The following CSMD1 variants were observed in gnomAD, a reference collection of about 807,000 sequenced individuals.
CSMD1 encodes the protein CUB and Sushi multiple domains 1.
CSMD1 carries 213 observed loss-of-function variants against 417.5 expected under a neutral mutation model. That is an observed-to-expected ratio of 0.51 (90% CI 0.46 to 0.57). The LOEUF is 0.57. CSMD1 is among the 20% of genes least tolerant of loss of function. CSMD1 has a pLI of 0.00. For synonymous variants in CSMD1, 2,862 were observed against 1,736.8 expected (o/e 1.65, Z -16.11); for missense variants, 6,923 against 4,529.7 (o/e 1.53, Z -15.17).
intron 37 of CSMD1, among the ~76,000 whole-genome samples, chr8:3,167,775 G>C (rs978812179): frequency 1.3e-5 from 2 of 152,152 alleles, no homozygotes; most frequent in African/African-American, 2.4e-5. Context: ...CATAAAACGT[G>C]AGCATTAAGA....
intron 12 of CSMD1, among the ~76,000 whole-genome samples, chr8:3,448,511 G>C (rs1815479375): frequency 6.7e-6 from 1 of 149,152 alleles, no homozygotes; most frequent in Non-Finnish European, 1.5e-5. Context: ...CTGAAAACTT[G>C]GAGAGAGGCT....
At chr8:4,592,683 G>T (rs140744062) in intron 2 of CSMD1, among the ~76,000 whole-genome samples, 2 of 152,016 alleles carry the variant, frequency 1.3e-5, no homozygotes, top group African/African-American at 4.8e-5. Context: ...CACTGTACCC[G>T]GCCTCTTTTC....
At chr8:3,413,121 G>A (rs1019779713) in intron 12 of CSMD1, among the ~76,000 whole-genome samples, 1 of 152,092 alleles carries the variant, frequency 6.6e-6, no homozygotes, top group African/African-American at 2.4e-5. Flanking sequence ...TAAAGAATAA[G>A]ATTCATGGAA....
intron 3 of CSMD1, among the ~76,000 whole-genome samples, chr8:4,201,826 C>G (rs1799663664): frequency 2.0e-5 from 3 of 148,540 alleles, no homozygotes; most frequent in African/African-American, 7.7e-5. Context: ...CTTCAGTGCT[C>G]CTTATAGAAG....
chr8:4,416,555 A>G (rs1224109283), intron 3 of CSMD1, among the ~76,000 whole-genome samples: 1 of 152,118 alleles, frequency 6.6e-6, no homozygotes, highest in Non-Finnish European at 1.5e-5. Context: ...CGCATTTCCA[A>G]CATTTAGCTT....
In CSMD1 at chr8:3,214,684, T is replaced by A; in HGVS notation, c.4680A>T (p.Pro1560=). ...SGFAIEFKEK[P]REACFDPGNI... ...TTCCTGGGTCAAAACAAGCTTCCCG[T>A]GGTTTCTCTGTGGAAGAAATGAATG... is the stretch of plus-strand genomic sequence containing the variant. Residue 1560 remains proline (P), a synonymous_variant, in exon 30 of 70, where the codon CCA becomes CCT. Transcript: ENST00000635120. 3 of 1,550,026 alleles carry A rather than the reference T, an allele frequency of 1.9e-6. No individual in the cohort carries two copies. Among genetic ancestry groups the A allele is most frequent in the South Asian group, 2.4e-5 (2 of 83,720 alleles).
chr8:3,435,581 C>T (rs938542205), intron 12 of CSMD1, among the ~76,000 whole-genome samples: 4 of 152,118 alleles, frequency 2.6e-5, no homozygotes, highest in African/African-American at 7.2e-5. Flanking sequence ...CTCGTCATGT[C>T]TGTCTTCTAA....
intron 2 of CSMD1, among the ~76,000 whole-genome samples, chr8:4,521,701 G>T (rs915735220): frequency 6.6e-6 from 1 of 152,128 alleles, no homozygotes; most frequent in Non-Finnish European, 1.5e-5. Flanking sequence ...GCCCTCCTCT[G>T]GTATAAGCCA....
chr8:3,558,405 A>G (rs969799492), intron 10 of CSMD1, among the ~76,000 whole-genome samples: 1 of 148,648 alleles, frequency 6.7e-6, no homozygotes. Context: ...TTCTCCAATG[A>G]TGAACGGTGC....
rs200325169 is a variant in CSMD1 at position 3,511,762 on chromosome 8, AATAACATAACATAACATAACATAAC to A, written c.1345-18061_1345-18037del. 1.3e-3 allele frequency among the ~76,000 whole-genome samples: 176 copies of A among 138,434 alleles called. 1 individual carries two copies. Among genetic ancestry groups the A allele is most frequent in the East Asian group, 2.7e-3 (13 of 4,738 alleles). The allele number at this position is 138,434 out of a possible 152,430, so 90.8% of individuals were successfully genotyped here. ...CAGAGTGAGACTCCATCTCTAAAAAAATAACATAACATAACATAACATAACATAACATAACATAACATAACATAAC... is the reference window on the plus strand; with the variant it reads ...CAGAGTGAGACTCCATCTCTAAAAAAATAACATAACATAACATAACATAAC... On this transcript the variant is annotated intron_variant, in intron 10 of 69. Transcript: ENST00000635120.
At chr8:3,653,500 G>C (rs573917754) in intron 7 of CSMD1, among the ~76,000 whole-genome samples, 2 of 152,204 alleles carry the variant, frequency 1.3e-5, no homozygotes, top group African/African-American at 2.4e-5. Context: ...ATAGAGATAG[G>C]GTTTCACCAT....
intron 1 of CSMD1, among the ~76,000 whole-genome samples, chr8:4,872,732 G>C (rs4570182): frequency 0.41 from 63,019 of 151,916 alleles, 14,037 homozygotes; most frequent in East Asian, 0.55. Context: ...AGAGCCTGTG[G>C]ATTAAAAGAT....
chr8:4,217,732 A>T (rs1288777040), intron 3 of CSMD1, among the ~76,000 whole-genome samples: 2 of 152,108 alleles, frequency 1.3e-5, no homozygotes, highest in African/African-American at 4.8e-5. Flanking sequence ...TATGACTTCT[A>T]TACTCTACGG....
intron 1 of CSMD1, among the ~76,000 whole-genome samples, chr8:4,876,169 G>A (rs1196793092): frequency 6.6e-6 from 1 of 152,038 alleles, no homozygotes; most frequent in Admixed American, 6.5e-5. Flanking sequence ...CTATTTCCCT[G>A]CTGGGTAATA....
chr8:4,550,327 A>G (rs1390407200), intron 2 of CSMD1, among the ~76,000 whole-genome samples: 1 of 137,930 alleles, frequency 7.3e-6, no homozygotes, highest in Non-Finnish European at 1.6e-5. Context: ...GCATACACAC[A>G]CGCACACACA....
At chr8:4,308,319 G>C (rs556368028) in intron 3 of CSMD1, among the ~76,000 whole-genome samples, 29 of 151,926 alleles carry the variant, frequency 1.9e-4, no homozygotes, top group Admixed American at 1.6e-3. Flanking sequence ...GTGTGGGGTG[G>C]TGTATCTGGT....
chr8:3,693,797 CGTGTGT>C (rs756217508), intron 7 of CSMD1, among the ~76,000 whole-genome samples: 2 of 149,090 alleles, frequency 1.3e-5, no homozygotes, highest in Non-Finnish European at 3.0e-5. Flanking sequence ...GTGTTGGCGT[CGTGTGT>C]GTGTGTGTTG....
At chr8:4,191,931 C>G (rs1385322397) in intron 3 of CSMD1, among the ~76,000 whole-genome samples, 2 of 152,174 alleles carry the variant, frequency 1.3e-5, no homozygotes, top group Non-Finnish European at 2.9e-5. Flanking sequence ...CACAATTCAG[C>G]TCCCTTAAAC....
At chr8:3,354,968 T>A (rs1808685031) in intron 21 of CSMD1, among the ~76,000 whole-genome samples, 1 of 98,418 alleles carries the variant, frequency 1.0e-5, no homozygotes, top group Admixed American at 9.8e-5. Flanking sequence ...GAGAGTTTAG[T>A]GTTAAACTAG....
Sources: gnomAD v4.1 joint callset for allele counts (sites outside exome capture counted in the v4.1 genomes callset) on GRCh38, gnomAD v4.1.1 for gene constraint, MANE v1.5 for transcripts, NCBI Gene and HGNC (gene_info 2026-07-23, HGNC 2026-07-21) for gene names.